The following ACOT1 variants were observed in gnomAD, a reference collection of about 807,000 sequenced individuals.
The protein encoded by ACOT1 is acyl-CoA thioesterase 1.
ACOT1 carries 8 observed loss-of-function variants against 15.7 expected under a neutral mutation model. The ratio of observed to expected loss-of-function variants is 0.51; its 90% CI spans 0.30 to 0.92. ACOT1 has a LOEUF of 0.92. ACOT1 is among the 40% of genes least tolerant of loss of function. The pLI, the probability that ACOT1 is intolerant of heterozygous loss-of-function variation, is 0.06. For missense variants in ACOT1, 151 were observed against 539.4 expected (o/e 0.28, Z 7.13); for synonymous variants, 67 against 241.2 (o/e 0.28, Z 6.69).
chr14:73,522,878 C>T, the ACOT1 span: 2 of 1,614,182 alleles, frequency 1.2e-6, no homozygotes, highest in South Asian at 2.2e-5. Context: ...GTGGTCAAAG[C>T]TGTACTGGCT....
At chr14:73,507,448 T>G in the ACOT1 span, among the ~76,000 whole-genome samples, 1 of 152,128 alleles carries the variant, frequency 6.6e-6, no homozygotes, top group East Asian at 1.9e-4. Context: ...GTAATTAATT[T>G]TTTGAGGCAG....
At chr14:73,520,671 ATTAG>A in the ACOT1 span, 2 of 579,746 alleles carry the variant, frequency 3.4e-6, no homozygotes, top group Admixed American at 3.0e-5. Context: ...TTCCCTCCCT[ATTAG>A]TTATCACTCC....
chr14:73,502,753 T>C, the ACOT1 span: 9 of 682,216 alleles, frequency 1.3e-5, no homozygotes, highest in South Asian at 1.5e-4. Flanking sequence ...TTTACTGTGT[T>C]AGCCAGGATG....
At chr14:73,491,294 C>G in the ACOT1 span, 1 of 1,543,020 alleles carries the variant, frequency 6.5e-7, no homozygotes, top group East Asian at 2.5e-5. Context: ...GGACGCAGCC[C>G]GGCGAGAGCC....
At chr14:73,491,719 C>G in the ACOT1 span, 1 of 1,551,374 alleles carries the variant, frequency 6.4e-7, no homozygotes, top group Non-Finnish European at 8.7e-7. Context: ...GGCGGCAGGA[C>G]CACACCTACT....
chr14:73,498,115 A>C, the ACOT1 span: 1 of 1,541,160 alleles, frequency 6.5e-7, no homozygotes, highest in Non-Finnish European at 8.9e-7. Flanking sequence ...GAGAGTTGGC[A>C]GTATAAGGTC....
chr14:73,520,678 A>G, the ACOT1 span: 3 of 595,642 alleles, frequency 5.0e-6, no homozygotes, highest in Admixed American at 8.9e-5. Flanking sequence ...CCTATTAGTT[A>G]TCACTCCCCG....
the ACOT1 span, among the ~76,000 whole-genome samples, chr14:73,506,286 G>A: frequency 6.6e-6 from 1 of 152,172 alleles, no homozygotes; most frequent in African/African-American, 2.4e-5. Flanking sequence ...GAGAAGCATT[G>A]GCTTCCAGAC....
At chr14:73,500,514 A>G in the ACOT1 span, 1 of 1,594,592 alleles carries the variant, frequency 6.3e-7, no homozygotes, top group South Asian at 1.1e-5. Context: ...TCTTCAGGTC[A>G]ATCAGGTAAG....
the ACOT1 span, among the ~76,000 whole-genome samples, chr14:73,525,577 G>A: frequency 1.3e-5 from 2 of 152,158 alleles, no homozygotes; most frequent in African/African-American, 4.8e-5. Context: ...AAATAGAAAG[G>A]CTAGAGCAAG....
chr14:73,516,928 C>G, the ACOT1 span, among the ~76,000 whole-genome samples: 1 of 152,300 alleles, frequency 6.6e-6, no homozygotes, highest in Admixed American at 6.5e-5. Flanking sequence ...TTCCACGAAA[C>G]CGGTCCCTGG....
At chr14:73,514,222 A>C in the ACOT1 span, 3 of 1,614,092 alleles carry the variant, frequency 1.9e-6, no homozygotes. Flanking sequence ...GGCTCCTTGC[A>C]CAGGTCTGTA....
chr14:73,525,706 A>G, the ACOT1 span, among the ~76,000 whole-genome samples: 4 of 152,240 alleles, frequency 2.6e-5, no homozygotes, highest in South Asian at 8.3e-4. Context: ...TAATCCCAGA[A>G]CTTTGGGAGG....
upstream of ACOT1, among the ~76,000 whole-genome samples, chr14:73,534,490 C>T (rs1888799799): frequency 8.9e-6 from 1 of 112,780 alleles, no homozygotes; most frequent in African/African-American, 2.9e-5. Context: ...CCCAGGAGTT[C>T]GAGACCAGGC....
At chr14:73,513,911 C>A in the ACOT1 span, 1 of 1,005,660 alleles carries the variant, frequency 9.9e-7, no homozygotes, top group Admixed American at 2.0e-5. Flanking sequence ...CTTAATGAGG[C>A]AACCAGATTT....
intron 1 of ACOT1, among the ~76,000 whole-genome samples, chr14:73,540,174 G>T (rs1889027214): frequency 6.9e-6 from 1 of 145,846 alleles, no homozygotes; most frequent in South Asian, 2.2e-4. Context: ...TCTGCTCTGG[G>T]CAACAATTTG....
the ACOT1 span, chr14:73,491,548 G>A: frequency 1.3e-6 from 2 of 1,534,666 alleles, no homozygotes; most frequent in Non-Finnish European, 1.7e-6. Context: ...ACACGGGTGG[G>A]GAGCCGGCCT....
chr14:73,511,879 A>C, the ACOT1 span: 1 of 1,062,108 alleles, frequency 9.4e-7, no homozygotes, highest in East Asian at 2.4e-5. Context: ...TATATAGGCC[A>C]GTCTCTAAGT....
the ACOT1 span, chr14:73,499,221 C>T: frequency 8.3e-7 from 1 of 1,203,468 alleles, no homozygotes; most frequent in Non-Finnish European, 1.2e-6. Flanking sequence ...TGGTGCACCC[C>T]TGTAATCCCA....
Sources: allele counts gnomAD v4.1 joint callset (sites outside exome capture counted in the v4.1 genomes callset), GRCh38; gene constraint gnomAD v4.1.1; transcripts MANE v1.5; gene names NCBI Gene and HGNC (gene_info 2026-07-23, HGNC 2026-07-21).